MEMO1: variants seen among roughly 807,000 people sequenced by gnomAD.
MEMO1 encodes protein MEMO1.
In MEMO1, 6 loss-of-function variants were observed where a neutral mutation model predicts 45.2. The observed-to-expected ratio is 0.13, with a 90% CI of 0.07 to 0.26. The LOEUF is 0.26. MEMO1 is among the 10% of genes least tolerant of loss of function. The pLI is 1.00. For missense variants in MEMO1, 184 were observed against 370.5 expected, an observed-to-expected ratio of 0.50 and a Z score of 4.13; for synonymous variants, 78 against 124.3, an observed-to-expected ratio of 0.63 and a Z score of 2.48.
chr2:31,904,992 G>A (rs551876667), intron 6 of MEMO1, among the ~76,000 whole-genome samples: 5 of 152,304 alleles, frequency 3.3e-5, no homozygotes, highest in Admixed American at 6.5e-5. Flanking sequence ...CCAGCACTTC[G>A]GGAGGCCAAG....
intron 4 of MEMO1, among the ~76,000 whole-genome samples, chr2:31,925,667 G>C (rs1275490720): frequency 6.6e-6 from 1 of 152,028 alleles, no homozygotes; most frequent in Non-Finnish European, 1.5e-5. Context: ...AAGAATGCAA[G>C]GAAGTTATTT....
At chr2:31,996,784 G>A (rs981211280) in intron 2 of MEMO1, among the ~76,000 whole-genome samples, 4 of 152,162 alleles carry the variant, frequency 2.6e-5, no homozygotes, top group African/African-American at 9.7e-5. Flanking sequence ...ATGCTGGAGT[G>A]TGGTCGTGTA....
chr2:32,009,350 A>G (rs1674506915), intron 2 of MEMO1, among the ~76,000 whole-genome samples: 1 of 152,208 alleles, frequency 6.6e-6, no homozygotes, highest in African/African-American at 2.4e-5. Context: ...AAACACTGAC[A>G]GAAGAGCTGG....
Position 31,870,314 on chromosome 2 carries a change from T to G in MEMO1, c.658-362A>C, listed in dbSNP as rs1340591423. The stretch of plus-strand genomic sequence containing the variant: ...ACAAAAGTAAATCTGCTGTGAAAAT[T>G]TGTGTATGAAACCTAAAATTTAATT... On this transcript the variant is annotated intron_variant, in intron 8 of 9. Transcript: ENST00000404530. Among the ~76,000 whole-genome samples, 3 of 152,318 alleles carry G rather than the reference T, an allele frequency of 2.0e-5. No individual in the cohort carries two copies. The East Asian group carries it at 5.8e-4, about 29-fold the overall frequency.
intron 2 of MEMO1, among the ~76,000 whole-genome samples, chr2:31,979,147 G>C (rs1226534800): frequency 6.6e-6 from 1 of 152,148 alleles, no homozygotes; most frequent in African/African-American, 2.4e-5. Flanking sequence ...GAAAAGCCCA[G>C]AAGAGACTGC....
At chr2:31,945,565 ATTCT>A (rs1666095350) in intron 2 of MEMO1, among the ~76,000 whole-genome samples, 1 of 152,144 alleles carries the variant, frequency 6.6e-6, no homozygotes, top group Non-Finnish European at 1.5e-5. Context: ...AACCTGGTAA[ATTCT>A]TTCTCTGCCT....
At chr2:31,886,027 T>A (rs926196975) in intron 7 of MEMO1, among the ~76,000 whole-genome samples, 3 of 152,218 alleles carry the variant, frequency 2.0e-5, no homozygotes, top group Admixed American at 6.5e-5. Context: ...AGGAAATGTT[T>A]GAAATACTTT....
intron 2 of MEMO1, among the ~76,000 whole-genome samples, chr2:31,954,946 C>T (rs1033246335): frequency 6.6e-6 from 1 of 151,798 alleles, no homozygotes; most frequent in African/African-American, 2.4e-5. Flanking sequence ...CTCCATTGCA[C>T]GTTAAAATGT....
At chr2:31,999,881 CAT>C (rs1491252998) in intron 2 of MEMO1, among the ~76,000 whole-genome samples, 4 of 142,244 alleles carry the variant, frequency 2.8e-5, no homozygotes, top group Non-Finnish European at 4.6e-5. Flanking sequence ...CTGCATCAGG[CAT>C]TTTTTTTTTT....
chr2:31,975,419 T>A (rs886107817), intron 2 of MEMO1, among the ~76,000 whole-genome samples: 3 of 152,146 alleles, frequency 2.0e-5, no homozygotes, highest in African/African-American at 7.2e-5. Flanking sequence ...TATAAACATT[T>A]TGGGACTTTT....
At chr2:31,956,282 G>A (rs755326813) in intron 2 of MEMO1, among the ~76,000 whole-genome samples, 1 of 150,560 alleles carries the variant, frequency 6.6e-6, no homozygotes, top group African/African-American at 2.4e-5. Context: ...TGACTGGAAA[G>A]AATCAGGACT....
intron 8 of MEMO1, among the ~76,000 whole-genome samples, chr2:31,873,461 C>A (rs1674087338): frequency 1.3e-5 from 2 of 152,064 alleles, no homozygotes; most frequent in South Asian, 4.1e-4. Context: ...CAAGTGGCAA[C>A]CCCAAACTAA....
intron 6 of MEMO1, among the ~76,000 whole-genome samples, chr2:31,906,730 A>C (rs1177792043): frequency 6.6e-6 from 1 of 152,158 alleles, no homozygotes; most frequent in Non-Finnish European, 1.5e-5. Context: ...TTACAACGGC[A>C]TTCAATTCCC....
At chr2:31,928,546 CAAAAAAAAAAAAAA>C (rs11340855) in intron 4 of MEMO1, among the ~76,000 whole-genome samples, 1 of 105,470 alleles carries the variant, frequency 9.5e-6, no homozygotes, top group African/African-American at 3.4e-5. Context: ...GACTCCATCT[CAAAAAAAAAAAAAA>C]AAAGAAGAAG....
chr2:32,006,577 C>T (rs1048411529), intron 2 of MEMO1, among the ~76,000 whole-genome samples: 10 of 147,628 alleles, frequency 6.8e-5, no homozygotes, highest in African/African-American at 2.5e-4. Context: ...CCATTCTTAG[C>T]TACTGGACCT....
chr2:31,895,837 C>CTTT lies in MEMO1; in HGVS notation c.438-3706_438-3704dup, dbSNP rs71412853. ...TGAAAACAAAACACAAGAAAAAAAT[C>CTTT]TTTTTTTTTTTTTTTTTTTTTTTTT... On this transcript the variant is annotated intron_variant, in intron 6 of 9. Transcript: ENST00000404530. 7.9e-3 allele frequency among the ~76,000 whole-genome samples: 672 copies of CTTT among 84,768 alleles called. 1 individual carries two copies. The highest frequency in any genetic ancestry group is 0.016 in the Middle Eastern group (1 of 64). 55.6% of individuals were successfully genotyped at this position (84,768 alleles called of 152,430 possible). A position where few individuals can be genotyped will look rare whatever the true frequency, so the allele number is the denominator to read the frequency against.
chr2:31,874,868 T>C (rs376702626), intron 8 of MEMO1, among the ~76,000 whole-genome samples: 1 of 152,002 alleles, frequency 6.6e-6, no homozygotes, highest in East Asian at 1.9e-4. Flanking sequence ...CACCATCTGA[T>C]TAATCAATTA....
At chr2:31,926,567 T>C (rs1683146221) in intron 4 of MEMO1, among the ~76,000 whole-genome samples, 1 of 151,766 alleles carries the variant, frequency 6.6e-6, no homozygotes, top group South Asian at 2.1e-4. Flanking sequence ...TGTTATTTTT[T>C]GCCAGGCACA....
At chr2:31,905,108 C>G (rs2886634) in intron 6 of MEMO1, among the ~76,000 whole-genome samples, 2 of 152,102 alleles carry the variant, frequency 1.3e-5, no homozygotes, top group Non-Finnish European at 2.9e-5. Flanking sequence ...GGGGTGCACA[C>G]CTGCAGTCCC....
Sources: gnomAD v4.1 joint callset for allele counts (sites outside exome capture counted in the v4.1 genomes callset) on GRCh38, gnomAD v4.1.1 for gene constraint, MANE v1.5 for transcripts, NCBI Gene and HGNC (gene_info 2026-07-23, HGNC 2026-07-21) for gene names.